Variants in KPNA7 observed in about 807,000 individuals in gnomAD.
KPNA7 encodes the protein karyopherin subunit alpha 7.
A neutral mutation model predicts 53.7 loss-of-function variants in KPNA7; 54 were observed. The ratio of observed to expected loss-of-function variants is 1.01; its 90% CI spans 0.81 to 1.26. The LOEUF (loss-of-function observed/expected upper bound fraction) is 1.26, where lower values mean the gene tolerates loss of function less well. Among genes scored for constraint, KPNA7 ranks in the 50% most tolerant of loss-of-function variants. The pLI, the probability that KPNA7 is intolerant of heterozygous loss-of-function variation, is 0.00. For synonymous variants in KPNA7, 276 were observed against 259.3 expected (o/e 1.06, Z -0.62); for missense variants, 640 against 644.5 (o/e 0.99, Z 0.07).
At chr7:99,186,799 CT>C (rs1382420190) in intron 7 of KPNA7, among the ~76,000 whole-genome samples, 1 of 152,048 alleles carries the variant, frequency 6.6e-6, no homozygotes, top group East Asian at 1.9e-4. Flanking sequence ...CTCCATGCCC[CT>C]AGCACTATCC....
At chr7:99,212,418 A>AT (rs1051578107), upstream of KPNA7, among the ~76,000 whole-genome samples, 2 of 149,762 alleles carry the variant, frequency 1.3e-5, no homozygotes, top group Non-Finnish European at 3.0e-5. Context: ...TAATTTTTGT[A>AT]TTTTTTTTCT....
intron 6 of KPNA7, among the ~76,000 whole-genome samples, chr7:99,189,529 C>T (rs993642826): frequency 6.6e-6 from 1 of 152,176 alleles, no homozygotes; most frequent in Non-Finnish European, 1.5e-5. Flanking sequence ...CCTTCTGCCC[C>T]TTTCAGCCAT....
intron 5 of KPNA7, among the ~76,000 whole-genome samples, chr7:99,194,793 C>T (rs1365911906): frequency 6.6e-6 from 1 of 151,994 alleles, no homozygotes; most frequent in South Asian, 2.1e-4. Flanking sequence ...TTAGTAGAGA[C>T]GGGGTTTCAC....
Position 99,177,977 on chromosome 7 carries a change from A to C in KPNA7, c.1407T>G (p.His469Gln). The change falls in exon 10 of 11, where the codon CAT becomes CAG. Residue 469 changes from histidine to glutamine, a missense_variant. Physicochemically the swap from His to Gln is conservative, Grantham distance 24. Coordinates refer to ENST00000327442, the MANE Select transcript of KPNA7 (RefSeq NM_001145715.3). ...GIDRIEALQL[H>Q]ENRQIGQSAL... ...CCGACTGGCCAATTTGACGGTTCTC[A>C]TGCAGCTGTAAAGCCTCAATTCTAT... 1 of 1,551,964 alleles carries C rather than the reference A, an allele frequency of 6.4e-7. No individual in the cohort carries two copies. The highest frequency in any genetic ancestry group is 8.7e-7 in the Non-Finnish European group (1 of 1,147,078).
At position 99,196,158 on chromosome 7, in the gene KPNA7, G is replaced by A. The variant is rs1173223755; in HGVS notation, c.210C>T (p.Leu70=). 1 of 1,551,574 alleles carries A rather than the reference G, an allele frequency of 6.4e-7. No homozygotes were observed. Among genetic ancestry groups the A allele is most frequent in the African/African-American group, 1.4e-5 (1 of 73,154 alleles). ...CACCTTTGATTATTTCACCCAGAGT[G>A]AGGCTGACCTGCAAGAAGAGACACA... The part of the protein sequence containing the change: ...EKTAKGVAVS[L]TLGEIIKGVN... Residue 70 remains leucine, a synonymous_variant, in exon 4 of 11, where the codon CTC becomes CTT. Coordinates refer to ENST00000327442, the MANE Select transcript of KPNA7 (RefSeq NM_001145715.3).
chr7:99,205,410 C>CAAA (rs61410237), intron 2 of KPNA7, among the ~76,000 whole-genome samples: 67 of 109,764 alleles, frequency 6.1e-4, no homozygotes, highest in African/African-American at 2.4e-3. Flanking sequence ...GACTCCATCT[C>CAAA]AAAAAAAAAA....
the KPNA7 span, among the ~76,000 whole-genome samples, chr7:99,148,849 A>G: frequency 7.3e-6 from 1 of 136,706 alleles, no homozygotes; most frequent in Non-Finnish European, 1.6e-5. Flanking sequence ...GCCTCCCAAA[A>G]GGGCTAAGAT....
chr7:99,166,610 C>T, the KPNA7 span, among the ~76,000 whole-genome samples: 5 of 151,748 alleles, frequency 3.3e-5, no homozygotes, highest in Admixed American at 1.3e-4. Flanking sequence ...CCACCGTGCC[C>T]GGCCTTTCTA....
chr7:99,215,897 C>G (rs1791207866), intron 1 of KPNA7, among the ~76,000 whole-genome samples: 1 of 151,816 alleles, frequency 6.6e-6, no homozygotes, highest in African/African-American at 2.4e-5. Flanking sequence ...TCACTTGAGC[C>G]CAGTAGGTTG....
At chr7:99,185,325 C>A (rs2150726257) in intron 7 of KPNA7, among the ~76,000 whole-genome samples, 163 bp from the exon 8 acceptor site, 1 of 152,164 alleles carries the variant, frequency 6.6e-6, no homozygotes, top group South Asian at 2.1e-4. Context: ...TTCAATTCAT[C>A]CATGGCCTTT....
upstream of KPNA7, among the ~76,000 whole-genome samples, chr7:99,211,115 T>C (rs903999226): frequency 6.6e-6 from 1 of 152,086 alleles, no homozygotes; most frequent in Admixed American, 6.6e-5. Flanking sequence ...AACTTGGAGA[T>C]TTGCATCAGA....
chr7:99,218,702 T>C (rs1283504192), intron 1 of KPNA7, among the ~76,000 whole-genome samples: 2 of 152,218 alleles, frequency 1.3e-5, no homozygotes, highest in African/African-American at 4.8e-5. Context: ...GACAACAGCC[T>C]AGGCCTTCTC....
intron 5 of KPNA7, among the ~76,000 whole-genome samples, chr7:99,194,502 T>TA (rs1790128536): frequency 6.6e-6 from 1 of 152,212 alleles, no homozygotes; most frequent in African/African-American, 2.4e-5. Flanking sequence ...CCTGAGGCTG[T>TA]AGGACCTTAG....
At chr7:99,210,580 G>A (rs12705047), upstream of KPNA7, among the ~76,000 whole-genome samples, 9,263 of 152,040 alleles carry the variant, frequency 0.061, 318 homozygotes, top group South Asian at 0.15. Context: ...GAGGGAGTTT[G>A]CTTTTGTGTT....
chr7:99,153,854 A>G, the KPNA7 span, among the ~76,000 whole-genome samples: 2 of 151,940 alleles, frequency 1.3e-5, no homozygotes, highest in Non-Finnish European at 2.9e-5. Context: ...TCGTGCCTGT[A>G]GTCCCTGCTA....
At chr7:99,146,711 TAAAAAAAAAAAAAAAAA>T in the KPNA7 span, among the ~76,000 whole-genome samples, 18 of 70,446 alleles carry the variant, frequency 2.6e-4, no homozygotes, top group East Asian at 3.6e-3. Context: ...GACTGTGTCT[TAAAAAAAAAAAAAAAAA>T]AAAAAAAAAA....
At chr7:99,194,283 G>T (rs566498531) in intron 5 of KPNA7, among the ~76,000 whole-genome samples, 1 of 152,152 alleles carries the variant, frequency 6.6e-6, no homozygotes, top group Non-Finnish European at 1.5e-5. Context: ...ATTCAGAAAG[G>T]TAGTCTGAGG....
At chr7:99,189,882 G>A (rs993734272) in intron 6 of KPNA7, among the ~76,000 whole-genome samples, 1 of 152,040 alleles carries the variant, frequency 6.6e-6, no homozygotes, top group Admixed American at 6.6e-5. Context: ...ATAAGCGCCT[G>A]GCCTCCAGTT....
intron 3 of KPNA7, 147 bp from the exon 4 acceptor site, chr7:99,196,313 G>C: frequency 1.6e-6 from 1 of 620,602 alleles, no homozygotes; most frequent in Non-Finnish European, 2.9e-6. Context: ...GGGGAGGGGA[G>C]AATATAGTCC....
Sources: gnomAD v4.1 joint callset for allele counts (sites outside exome capture counted in the v4.1 genomes callset) on GRCh38, gnomAD v4.1.1 for gene constraint, MANE v1.5 for transcripts, NCBI Gene and HGNC (gene_info 2026-07-23, HGNC 2026-07-21) for gene names.